Variants in CHD5 observed in about 807,000 individuals in gnomAD.
The protein encoded by CHD5 is ATP-dependent chromatin remodeler CHD5.
Under a neutral mutation model 230.3 loss-of-function variants are expected in CHD5, and 69 were observed. That is an observed-to-expected ratio of 0.30 (90% CI 0.25 to 0.37). The LOEUF (loss-of-function observed/expected upper bound fraction) is 0.37, where lower values mean the gene tolerates loss of function less well. Ranked by LOEUF, CHD5 falls within the 10% of genes least tolerant of loss-of-function variation. The pLI, the probability that CHD5 is intolerant of heterozygous loss-of-function variation, is 1.00. For synonymous variants in CHD5, 1,064 were observed against 1,065.9 expected, an observed-to-expected ratio of 1.00 and a Z score of 0.03; for missense variants, 1,827 against 2,622.8, an observed-to-expected ratio of 0.70 and a Z score of 6.63.
At position 6,131,736 on chromosome 1, in the gene CHD5, G is replaced by A; in HGVS notation, c.3157C>T (p.Leu1053=). The change falls in exon 21 of 42, where the codon CTG becomes TTG. Residue 1053 remains leucine (L), a synonymous_variant. Transcript: ENST00000262450. The surrounding 1 kb of genome is among the most constrained non-coding windows in gnomAD (Gnocchi z 5.0). ...TCCAGGAAGTCCTCCAGGAGGTCCA[G>A]CATCTTGGTCATCTGCAGGGGAGAC... ...VLIFSQMTKM[L]DLLEDFLEYE... 6.2e-7 allele frequency: 1 copy of A among 1,611,094 alleles called. No homozygotes were observed. The highest frequency in any genetic ancestry group is 1.1e-5 in the South Asian group (1 of 90,908).
At position 6,121,533 on chromosome 1, in the gene CHD5, G is replaced by T. The variant is rs866978202; in HGVS notation, c.4740C>A (p.Asp1580Glu). 1.2e-6 allele frequency: 2 copies of T among 1,613,126 alleles called. No individual in the cohort carries two copies. Among genetic ancestry groups the T allele is most frequent in the African/African-American group, 2.7e-5 (2 of 74,918 alleles). ...GCTGCCTTGGCTTCTGTGCCCCGGG[G>T]TCTTTCTCATCCATGTAGCCCAGCT... Reference protein sequence around the residue: ...EAQLGYMDEKDPGAQKPRQPL... With the variant: ...EAQLGYMDEKEPGAQKPRQPL... Residue 1580 changes from aspartate (D) to glutamate (E), a missense_variant, in exon 32 of 42, where the codon GAC becomes GAA. Physicochemically the swap from Asp to Glu is conservative, Grantham distance 45. Around this residue, in one of 14 missense-constraint regions of CHD5, gnomAD observed 272 missense variants for 263.2 expected, o/e 1.03. Transcript: ENST00000262450. The surrounding 1 kb of genome is among the most constrained non-coding windows in gnomAD (Gnocchi z 4.5).
At position 6,134,281 on chromosome 1, in the gene CHD5, G is replaced by C. The variant is rs1666703837; in HGVS notation, c.3013-22C>G. ...CCTCCTGCAGACACAGCAGGAGGTG[G>C]GGCATTGGTGGGCTCCCCTCTCCTC... On this transcript the variant is annotated intron_variant, in intron 19 of 41. Coordinates refer to ENST00000262450, the MANE Select transcript of CHD5 (RefSeq NM_015557.3). This position sits in a 1 kb window ranked among gnomAD's most constrained non-coding sequence, Gnocchi z 6.3. 6.2e-7 allele frequency: 1 copy of C among 1,609,526 alleles called. No individual in the cohort carries two copies. The highest frequency in any genetic ancestry group is 1.3e-5 in the African/African-American group (1 of 75,032).
In CHD5 at chr1:6,105,448, G is replaced by A. The variant is rs572608192; in HGVS notation, c.*47-21C>T. The stretch of plus-strand genomic sequence containing the variant: ...CGTGGCTGCAAAACGCAAATCAGTG[G>A]GTTAAGCAGGTGGGCAGTTATAGGG... On this transcript the variant is annotated intron_variant, in intron 41 of 41. Transcript: ENST00000262450. The surrounding 1 kb of genome is among the most constrained non-coding windows in gnomAD (Gnocchi z 4.8). 1 of 470,068 alleles carries A rather than the reference G, an allele frequency of 2.1e-6. No individual in the cohort carries two copies. Among genetic ancestry groups the A allele is most frequent in the Non-Finnish European group, 4.4e-6 (1 of 226,708 alleles). The allele number at this position is 470,068 out of a possible 1,614,324, so 29.1% of individuals were successfully genotyped here. A position where few individuals can be genotyped will look rare whatever the true frequency, so the allele number is the denominator to read the frequency against.
In CHD5 at chr1:6,135,489, G is replaced by A. The variant is rs76969190; in HGVS notation, c.2697-86C>T. 1,835 of 1,237,490 alleles carry A rather than the reference G, an allele frequency of 1.5e-3. 24 individuals carry two copies. The African/African-American group carries it at 0.024, about 16-fold the overall frequency. The allele number at this position is 1,237,490 out of a possible 1,614,324, so 76.7% of individuals were successfully genotyped here. On this transcript the variant is annotated intron_variant, in intron 17 of 41. Transcript: ENST00000262450. ...GCAGAGCGCCTAGCCCATGTAGGCCGGCTAGCTGGTGAACCAGGGAGCCCT... is the reference window on the plus strand; with the variant it reads ...GCAGAGCGCCTAGCCCATGTAGGCCAGCTAGCTGGTGAACCAGGGAGCCCT...
intron 11 of CHD5, among the ~76,000 whole-genome samples, chr1:6,145,459 A>G (rs370445538): frequency 6.6e-6 from 1 of 152,222 alleles, no homozygotes; most frequent in Non-Finnish European, 1.5e-5. Flanking sequence ...CCCCACCCCA[A>G]GGCCCATCTG....
Position 6,167,708 on chromosome 1 carries a change from G to A in CHD5, c.207+442C>T, listed in dbSNP as rs942560900. 2.0e-5 allele frequency among the ~76,000 whole-genome samples: 3 copies of A among 152,150 alleles called. No individual in the cohort carries two copies. Among genetic ancestry groups the A allele is most frequent in the Non-Finnish European group, 4.4e-5 (3 of 68,026 alleles). On this transcript the variant is annotated intron_variant, in intron 2 of 41. Coordinates refer to ENST00000262450, the MANE Select transcript of CHD5 (RefSeq NM_015557.3). This position sits in a 1 kb window ranked among gnomAD's most constrained non-coding sequence, Gnocchi z 4.5. ...CATCCAGAACCAGCCGAGAACCAGG[G>A]ACAAAGTGACGGGAATCCAGAGGTC...
At chr1:6,170,681 G>C (rs1175118345) in intron 1 of CHD5, among the ~76,000 whole-genome samples, 2 of 152,234 alleles carry the variant, frequency 1.3e-5, no homozygotes, top group Non-Finnish European at 2.9e-5. Flanking sequence ...GGTTTATGTG[G>C]GTGAGGCCCC....
intron 1 of CHD5, among the ~76,000 whole-genome samples, chr1:6,171,791 C>T (rs1383277141): frequency 6.6e-6 from 1 of 152,248 alleles, no homozygotes; most frequent in Non-Finnish European, 1.5e-5. Flanking sequence ...CCTGCCCGTC[C>T]CGGGTGAGGG....
intron 37 of CHD5, 140 bp downstream of exon 37, chr1:6,110,254 G>A: frequency 1.0e-6 from 1 of 992,130 alleles, no homozygotes; most frequent in Non-Finnish European, 1.5e-6. Context: ...GTTAGTTGAT[G>A]GACATACTGC....
chr1:6,147,426 T>A (rs1188491083), intron 9 of CHD5, among the ~76,000 whole-genome samples: 2 of 152,134 alleles, frequency 1.3e-5, no homozygotes, highest in Non-Finnish European at 2.9e-5. Flanking sequence ...AGGCCCCATC[T>A]CTGGCAGCCC....
intron 1 of CHD5, among the ~76,000 whole-genome samples, chr1:6,170,357 C>T (rs943285283): frequency 6.6e-5 from 10 of 152,184 alleles, no homozygotes; most frequent in African/African-American, 2.4e-4. Flanking sequence ...AGGGCTCCTA[C>T]CCTGGGTCTC....
chr1:6,120,738 A>G (rs1375310005), intron 33 of CHD5, among the ~76,000 whole-genome samples: 1 of 152,128 alleles, frequency 6.6e-6, no homozygotes, highest in Non-Finnish European at 1.5e-5. Flanking sequence ...TCTCGTCTCT[A>G]CTAAAAATAC....
chr1:6,101,942 A>G lies in CHD5; in HGVS notation c.*3532T>C, dbSNP rs1291633953. ...GGCTCACAGGGGAGCCTGGCTTCCA[A>G]AGCTGGACCCGCCCCCGCCGGGGCC... On this transcript the variant is annotated 3_prime_UTR_variant, in exon 42 of 42. Transcript: ENST00000262450. 3.2e-5 allele frequency: 13 copies of G among 405,230 alleles called. No homozygotes were observed. The highest frequency in any genetic ancestry group is 5.4e-5 in the Non-Finnish European group (11 of 202,346). The allele number at this position is 405,230 out of a possible 1,614,324, so 25.1% of individuals were successfully genotyped here. A position where few individuals can be genotyped will look rare whatever the true frequency, so the allele number is the denominator to read the frequency against.
rs1571148077 is a variant in CHD5 at position 6,128,274 on chromosome 1, G to C, written c.3731-56C>G. On this transcript the variant is annotated intron_variant, in intron 24 of 41. Transcript: ENST00000262450. This position sits in a 1 kb window ranked among gnomAD's most constrained non-coding sequence, Gnocchi z 7.8. ...AAAGACTGCCCTGGTCCAGCCCCGG[G>C]GTCCCAGGAACAGACTCCCAACAAT... 8 of 1,566,460 alleles carry C rather than the reference G, an allele frequency of 5.1e-6. No homozygotes were observed. Among genetic ancestry groups the C allele is most frequent in the Non-Finnish European group, 7.0e-6 (8 of 1,146,152 alleles).
chr1:6,143,978 C>T, intron 12 of CHD5, 46 bp downstream of exon 12: 1 of 1,614,030 alleles, frequency 6.2e-7, no homozygotes, highest in South Asian at 1.1e-5. Context: ...AGCCCAGGAG[C>T]AGGTCCCGGC....
rs758045203 is a variant in CHD5, at chr1:6,110,382, C to G, written c.5382+12G>C. On this transcript the variant is annotated intron_variant, in intron 37 of 41. Transcript: ENST00000262450. ...CCTGCCCCGTGCAGCCCTGGCCCTT[C>G]AGAAGACAGACCTTAAACCTGCGGG... is the stretch of plus-strand genomic sequence containing the variant. The G allele has an allele frequency of 1.2e-6, 2 of 1,613,900 alleles. No homozygotes were observed. The highest frequency in any genetic ancestry group is 1.7e-6 in the Non-Finnish European group (2 of 1,180,004).
chr1:6,108,317 G>A (rs144667860), intron 38 of CHD5, among the ~76,000 whole-genome samples: 115 of 148,430 alleles, frequency 7.7e-4, no homozygotes, highest in Admixed American at 2.0e-3. Flanking sequence ...ATGGAGAGAC[G>A]GAGGGATGAA....
At chr1:6,173,210 T>C in intron 1 of CHD5, among the ~76,000 whole-genome samples, 1 of 151,456 alleles carries the variant, frequency 6.6e-6, no homozygotes, top group African/African-American at 2.4e-5. Flanking sequence ...GTTCACGCCA[T>C]TCTCCTGCCT....
At chr1:6,152,699 T>C (rs1008981037) in intron 5 of CHD5, among the ~76,000 whole-genome samples, 163 bp from the exon 6 acceptor site, 2 of 152,208 alleles carry the variant, frequency 1.3e-5, no homozygotes. Context: ...AACCCCTTGC[T>C]TAAAATCACA....
Sources: gnomAD v4.1 joint callset for allele counts (sites outside exome capture counted in the v4.1 genomes callset) on GRCh38, gnomAD v4.1.1 for gene constraint, gnomAD v4.1.1 regional missense constraint, Gnocchi (gnomAD v3.1) non-coding constraint, MANE v1.5 for transcripts, NCBI Gene and HGNC (gene_info 2026-07-23, HGNC 2026-07-21) for gene names.